Variants in NOX4 observed in about 807,000 individuals in gnomAD.
The protein encoded by NOX4 is NADPH oxidase 4, also known as kidney oxidase-1.
NOX4 carries 69 observed loss-of-function variants against 87.6 expected under a neutral mutation model. That is an observed-to-expected ratio of 0.79 (90% CI 0.65 to 0.96). NOX4 has a LOEUF of 0.96. Ranked by LOEUF, NOX4 falls within the 40% of genes least tolerant of loss-of-function variation. The pLI, the probability that NOX4 is intolerant of heterozygous loss-of-function variation, is 0.00. For missense variants in NOX4, 680 were observed against 681.5 expected (o/e 1.00, Z 0.02); for synonymous variants, 275 against 238.2 (o/e 1.15, Z -1.42).
chr11:89,374,507 A>G lies in NOX4; in HGVS notation c.1075-1015T>C, dbSNP rs182456061. On this transcript the variant is annotated intron_variant, in intron 11 of 17. Transcript: ENST00000263317. The stretch of plus-strand genomic sequence containing the variant: ...AGTACCATGTGTCACGGGAAGTGTT[A>G]AGTGATTTATTTTCAAAATCTACAA... 2.0e-3 allele frequency among the ~76,000 whole-genome samples: 298 copies of G among 152,306 alleles called. 7 individuals carry two copies. Among genetic ancestry groups the G allele is most frequent in the East Asian group, 0.013 (69 of 5,180 alleles).
chr11:89,459,293 C>T (rs1393256569), intron 2 of NOX4, among the ~76,000 whole-genome samples: 1 of 151,888 alleles, frequency 6.6e-6, no homozygotes, highest in Non-Finnish European at 1.5e-5. Context: ...CAGGGGTCTA[C>T]TTGAGGGTAG....
the NOX4 span, among the ~76,000 whole-genome samples, chr11:89,519,850 A>G: frequency 6.6e-6 from 1 of 152,062 alleles, no homozygotes; most frequent in Non-Finnish European, 1.5e-5. Flanking sequence ...CCCTCTGTGA[A>G]TGTTGACCTA....
intron 7 of NOX4, among the ~76,000 whole-genome samples, chr11:89,423,875 G>C (rs1399205004): frequency 6.6e-6 from 1 of 151,778 alleles, no homozygotes; most frequent in Non-Finnish European, 1.5e-5. Context: ...AAAACATATT[G>C]AAACCTTGAC....
At chr11:89,382,514 G>T (rs1278747544) in intron 11 of NOX4, among the ~76,000 whole-genome samples, 1 of 151,964 alleles carries the variant, frequency 6.6e-6, no homozygotes, top group African/African-American at 2.4e-5. Flanking sequence ...TGTTCCCAAT[G>T]CGACTCATCC....
the NOX4 span, among the ~76,000 whole-genome samples, chr11:89,584,991 T>A: frequency 6.6e-6 from 1 of 152,124 alleles, no homozygotes; most frequent in Non-Finnish European, 1.5e-5. Context: ...TTGGTATAAT[T>A]ACTTCTATTT....
chr11:89,506,297 A>AAGAAAAAG, the NOX4 span, among the ~76,000 whole-genome samples: 1 of 144,862 alleles, frequency 6.9e-6, no homozygotes, highest in Non-Finnish European at 1.5e-5. Flanking sequence ...GAAAGAAAGA[A>AAGAAAAAG]AGAAAGAGAG....
chr11:89,529,734 CCAGA>C, the NOX4 span, among the ~76,000 whole-genome samples: 3 of 152,166 alleles, frequency 2.0e-5, no homozygotes, highest in African/African-American at 4.8e-5. Context: ...AGTTCTGTCT[CCAGA>C]CAGTTTAATG....
the NOX4 span, among the ~76,000 whole-genome samples, chr11:89,530,655 C>G: frequency 6.6e-6 from 1 of 151,930 alleles, no homozygotes; most frequent in Non-Finnish European, 1.5e-5. Flanking sequence ...TGTGAGCCAC[C>G]TCACCTGGAT....
At chr11:89,462,877 TAAAG>T (rs1023607471) in intron 2 of NOX4, among the ~76,000 whole-genome samples, 8 of 151,906 alleles carry the variant, frequency 5.3e-5, no homozygotes, top group African/African-American at 1.4e-4. Context: ...TTTTCAATGT[TAAAG>T]AAAGGAGAAA....
chr11:89,467,494 C>A (rs1173374421), intron 2 of NOX4, among the ~76,000 whole-genome samples: 3 of 151,794 alleles, frequency 2.0e-5, no homozygotes, highest in Admixed American at 2.0e-4. Context: ...ACATTTATTT[C>A]TCTCCATTCC....
At position 89,440,726 on chromosome 11, in the gene NOX4, GA is replaced by G. The variant is rs747592281; in HGVS notation, c.448-12del. On this transcript the variant is annotated splice_polypyrimidine_tract_variant and intron_variant, in intron 5 of 17. Coordinates refer to ENST00000263317, the MANE Select transcript of NOX4 (RefSeq NM_016931.5). ...AAGTTTTCTAGGATCCTGAGAAAAA[GA>G]AAAAAAAATAAATGATTAAAAACTA... 1.3e-4 allele frequency: 191 copies of G among 1,447,078 alleles called. No homozygotes were observed. Among genetic ancestry groups the G allele is most frequent in the Admixed American group, 2.2e-4 (11 of 50,838 alleles). The allele number at this position is 1,447,078 out of a possible 1,614,324, so 89.6% of individuals were successfully genotyped here.
chr11:89,447,683 A>T (rs1944765871), intron 4 of NOX4, among the ~76,000 whole-genome samples: 1 of 152,182 alleles, frequency 6.6e-6, no homozygotes, highest in Non-Finnish European at 1.5e-5. Context: ...CTCCAGTTGA[A>T]CCAGAATACT....
the NOX4 span, among the ~76,000 whole-genome samples, chr11:89,543,646 C>T: frequency 3.3e-5 from 5 of 151,872 alleles, no homozygotes; most frequent in East Asian, 1.9e-4. Context: ...AAAATTGATG[C>T]AACAAAAAAT....
At chr11:89,469,840 T>A (rs1262087445) in intron 2 of NOX4, among the ~76,000 whole-genome samples, 1 of 152,204 alleles carries the variant, frequency 6.6e-6, no homozygotes, top group Non-Finnish European at 1.5e-5. Context: ...CATATTGGAC[T>A]GTACATAGTT....
At chr11:89,383,569 C>A (rs1940457031) in intron 11 of NOX4, among the ~76,000 whole-genome samples, 1 of 152,178 alleles carries the variant, frequency 6.6e-6, no homozygotes, top group African/African-American at 2.4e-5. Flanking sequence ...AGGCTACCCA[C>A]TCCACATTAC....
At chr11:89,567,854 G>T in the NOX4 span, among the ~76,000 whole-genome samples, 1 of 152,188 alleles carries the variant, frequency 6.6e-6, no homozygotes, top group East Asian at 1.9e-4. Flanking sequence ...TGTGCATGGA[G>T]ACCCAGCCAC....
At chr11:89,422,976 T>C in intron 7 of NOX4, among the ~76,000 whole-genome samples, 2 of 151,888 alleles carry the variant, frequency 1.3e-5, no homozygotes. Context: ...ATATTTGCAT[T>C]CTTGGTAGAG....
At chr11:89,565,791 G>A in the NOX4 span, among the ~76,000 whole-genome samples, 4 of 150,266 alleles carry the variant, frequency 2.7e-5, no homozygotes, top group South Asian at 8.4e-4. Flanking sequence ...AATGATTATT[G>A]CATTTTATCA....
At chr11:89,504,577 C>T in the NOX4 span, among the ~76,000 whole-genome samples, 1 of 151,842 alleles carries the variant, frequency 6.6e-6, no homozygotes, top group African/African-American at 2.4e-5. Flanking sequence ...AGATTTTTTA[C>T]ATATTTGGAA....
Sources: allele counts gnomAD v4.1 joint callset (sites outside exome capture counted in the v4.1 genomes callset), GRCh38; gene constraint gnomAD v4.1.1; transcripts MANE v1.5; gene names NCBI Gene and HGNC (gene_info 2026-07-23, HGNC 2026-07-21).